Variants in AGO2 observed in about 807,000 individuals in gnomAD.
The protein encoded by AGO2 is protein argonaute-2.
AGO2 carries 5 observed loss-of-function variants against 102.3 expected under a neutral mutation model. That is an observed-to-expected ratio of 0.05 (90% confidence interval 0.03 to 0.10). The LOEUF is 0.10. AGO2 is among the 10% of genes least tolerant of loss of function. AGO2 has a pLI of 1.00. For missense variants in AGO2, 541 were observed against 1,183.7 expected (o/e 0.46, Z 7.97); for synonymous variants, 449 against 473.1 (o/e 0.95, Z 0.66).
Position 140,540,164 on chromosome 8 carries a change from T to C in AGO2, c.2035-710A>G, listed in dbSNP as rs12545019. Among the ~76,000 whole-genome samples, 118,924 of 152,160 alleles carry C rather than the reference T, an allele frequency of 0.78. 46,646 individuals carry two copies. Among genetic ancestry groups the C allele is most frequent in the East Asian group, 0.99 (5,108 of 5,180 alleles). Reference sequence around the variant, plus strand: ...TCAGGCAGGCTCCAGCCAGAAGTGCTGGCCGGTCAAGGTGTATCCATTCTG... The same window carrying C: ...TCAGGCAGGCTCCAGCCAGAAGTGCCGGCCGGTCAAGGTGTATCCATTCTG... On this transcript the variant is annotated intron_variant, in intron 15 of 18. Transcript: ENST00000220592. The surrounding 1 kb of genome is among the most constrained non-coding windows in gnomAD (Gnocchi z 5.0).
At chr8:140,541,678 G>A (rs931740172) in intron 14 of AGO2, among the ~76,000 whole-genome samples, 28 of 152,160 alleles carry the variant, frequency 1.8e-4, no homozygotes, top group Admixed American at 1.6e-3. Context: ...CGAGATGGGC[G>A]GATCACCTGA....
intron 2 of AGO2, among the ~76,000 whole-genome samples, chr8:140,577,779 C>T (rs927772215): frequency 6.6e-6 from 1 of 152,134 alleles, no homozygotes; most frequent in East Asian, 1.9e-4. Flanking sequence ...GAAATACAAC[C>T]GAGCCCCACT....
At chr8:140,632,362 T>C (rs2074352933) in intron 1 of AGO2, among the ~76,000 whole-genome samples, 1 of 152,124 alleles carries the variant, frequency 6.6e-6, no homozygotes, top group Middle Eastern at 3.2e-3. Flanking sequence ...TGGGCACCAG[T>C]ATTGGGAGAA....
chr8:140,625,163 C>G (rs2074260233), intron 1 of AGO2, among the ~76,000 whole-genome samples: 1 of 152,212 alleles, frequency 6.6e-6, no homozygotes, highest in African/African-American at 2.4e-5. Flanking sequence ...GCACCTGGGC[C>G]CTGGCTGCAT....
At chr8:140,606,165 T>C (rs576688649) in intron 1 of AGO2, among the ~76,000 whole-genome samples, 16 of 152,284 alleles carry the variant, frequency 1.1e-4, no homozygotes, top group Middle Eastern at 3.4e-3. Context: ...CTGAAGTATA[T>C]CCTTCCAGGG....
At chr8:140,628,215 C>A (rs2074298957) in intron 1 of AGO2, among the ~76,000 whole-genome samples, 2 of 152,246 alleles carry the variant, frequency 1.3e-5, no homozygotes, top group African/African-American at 4.8e-5. Context: ...AGGCCCCACC[C>A]CAGAGCTCGG....
chr8:140,575,390 C>T (rs2073448462), intron 2 of AGO2, among the ~76,000 whole-genome samples: 1 of 152,166 alleles, frequency 6.6e-6, no homozygotes, highest in Admixed American at 6.5e-5. Context: ...AAGGGATGCC[C>T]TGCAGCTCTC....
chr8:140,595,639 ATTATTTATATGCCAGGCTATATATATT>A (rs1317977654), intron 1 of AGO2, among the ~76,000 whole-genome samples: 79 of 134,960 alleles, frequency 5.9e-4, no homozygotes, highest in East Asian at 4.7e-3. Flanking sequence ...TTATATATAT[ATTATTTATATGCCAGGCTATATATATT>A]ATATATATAG....
intron 14 of AGO2, 25 bp from the exon 15 acceptor site, chr8:140,541,383 G>C: frequency 6.4e-7 from 1 of 1,556,432 alleles, no homozygotes; most frequent in Non-Finnish European, 8.7e-7. Context: ...AGTGAGTGTG[G>C]TCAGGGGTTC....
At chr8:140,541,889 G>A (rs1201223451) in intron 14 of AGO2, among the ~76,000 whole-genome samples, 1 of 152,180 alleles carries the variant, frequency 6.6e-6, no homozygotes, top group Non-Finnish European at 1.5e-5. Flanking sequence ...GCAACAGAGT[G>A]AGACTCTATC....
chr8:140,534,172 A>G (rs1370348791), intron 17 of AGO2, among the ~76,000 whole-genome samples: 2 of 152,186 alleles, frequency 1.3e-5, no homozygotes, highest in Admixed American at 6.5e-5. Flanking sequence ...TGGCTGTCAC[A>G]GGGGCCCAGG....
chr8:140,554,604 C>A (rs1176964821), intron 10 of AGO2, among the ~76,000 whole-genome samples: 1 of 152,200 alleles, frequency 6.6e-6, no homozygotes, highest in Non-Finnish European at 1.5e-5. Context: ...GAGAGGGCAA[C>A]TGAGAACTGG....
chr8:140,535,391 A>T (rs1303291894), intron 17 of AGO2, 77 bp downstream of exon 17: 1 of 1,453,712 alleles, frequency 6.9e-7, no homozygotes, highest in African/African-American at 1.4e-5. Flanking sequence ...TGCCAGCCAG[A>T]GTGCAAGTGT....
rs924392105 is a variant in AGO2 at position 140,540,073 on chromosome 8, CGA to C, written c.2035-621_2035-620del. Among the ~76,000 whole-genome samples the C allele has an allele frequency of 6.6e-6, 1 of 152,004 alleles. No homozygotes were observed. The highest frequency in any genetic ancestry group is 1.5e-5 in the Non-Finnish European group (1 of 68,008). On this transcript the variant is annotated intron_variant, in intron 15 of 18. Coordinates refer to ENST00000220592, the MANE Select transcript of AGO2 (RefSeq NM_012154.5). The surrounding 1 kb of genome is among the most constrained non-coding windows in gnomAD (Gnocchi z 5.0). ...CCACTGCACTCCAGACTGGAGACAG[CGA>C]GAGTCTTTCTCAAAAAAAACAAACA...
intron 10 of AGO2, chr8:140,555,641 G>C (rs1455052588): frequency 1.1e-5 from 5 of 468,038 alleles, no homozygotes; most frequent in African/African-American, 2.0e-5. Flanking sequence ...ACAGAATGGT[G>C]CTCTCTAAAC....
intron 1 of AGO2, among the ~76,000 whole-genome samples, chr8:140,587,782 T>A (rs533023808): frequency 6.6e-6 from 1 of 152,306 alleles, no homozygotes; most frequent in Non-Finnish European, 1.5e-5. Context: ...AAAAGGGAAT[T>A]CTAACACCAC....
chr8:140,631,769 T>A (rs558395115), intron 1 of AGO2, among the ~76,000 whole-genome samples: 2 of 152,246 alleles, frequency 1.3e-5, no homozygotes, highest in East Asian at 3.9e-4. Context: ...GTTCAAAACG[T>A]CTCCATTGCT....
chr8:140,547,723 G>C, intron 12 of AGO2, 96 bp from the exon 13 acceptor site: 1 of 1,496,412 alleles, frequency 6.7e-7, no homozygotes, highest in Admixed American at 2.0e-5. Flanking sequence ...GCCCCCATCT[G>C]GCAAGTGCAG....
chr8:140,559,375 G>A lies in AGO2; in HGVS notation c.790+20C>T. ...GGGGCCTCCCAGCCCTCAGCCAGGT[G>A]TGCTGGGACAGTTCATTACCTTTAA... On this transcript the variant is annotated intron_variant, in intron 6 of 18. Transcript: ENST00000220592. 2.5e-6 allele frequency: 4 copies of A among 1,613,482 alleles called. No homozygotes were observed. The highest frequency in any genetic ancestry group is 3.4e-6 in the Non-Finnish European group (4 of 1,179,588).
Sources: allele counts gnomAD v4.1 joint callset (sites outside exome capture counted in the v4.1 genomes callset), GRCh38; gene constraint gnomAD v4.1.1; non-coding constraint Gnocchi (gnomAD v3.1); transcripts MANE v1.5; gene names NCBI Gene and HGNC (gene_info 2026-07-23, HGNC 2026-07-21).